Variants in TAFA5 observed in about 807,000 individuals in gnomAD.
TAFA5 encodes chemokine-like protein TAFA-5.
Under a neutral mutation model 15.3 loss-of-function variants are expected in TAFA5, and 6 were observed. That is an observed-to-expected ratio of 0.39 (90% confidence interval 0.21 to 0.77). The LOEUF (loss-of-function observed/expected upper bound fraction) is 0.77. TAFA5 is among the 30% of genes least tolerant of loss of function. TAFA5 has a pLI of 0.41. For missense variants in TAFA5, 161 were observed against 193.1 expected (o/e 0.83, Z 0.98); for synonymous variants, 103 against 80.7 (o/e 1.28, Z -1.48).
At chr22:48,570,068 C>T (rs1188186207) in intron 1 of TAFA5, among the ~76,000 whole-genome samples, 2 of 152,204 alleles carry the variant, frequency 1.3e-5, no homozygotes, top group African/African-American at 2.4e-5. Flanking sequence ...TCCTCTGCTC[C>T]CCACACTCCC....
rs139226574 is a variant in TAFA5 at position 48,579,658 on chromosome 22, A to G, written c.113-66939A>G. Among the ~76,000 whole-genome samples, 643 of 152,342 alleles carry G rather than the reference A, an allele frequency of 4.2e-3. 5 individuals are homozygous for G. Among genetic ancestry groups the G allele is most frequent in the African/African-American group, 0.015 (604 of 41,578 alleles). On this transcript the variant is annotated intron_variant, in intron 1 of 3. Coordinates refer to ENST00000402357, the MANE Select transcript of TAFA5 (RefSeq NM_001082967.3). Reference sequence around the variant, plus strand: ...TATTTTCCACCTCCCTCTTCCAAAGACTTTACAATATTTTTCTGGAAGTCT... The same window carrying G: ...TATTTTCCACCTCCCTCTTCCAAAGGCTTTACAATATTTTTCTGGAAGTCT...
chr22:48,582,298 A>G (rs73173422), intron 1 of TAFA5, among the ~76,000 whole-genome samples: 40,348 of 151,480 alleles, frequency 0.27, 6,783 homozygotes, highest in Non-Finnish European at 0.36. Context: ...CACACCACAT[A>G]CACACCCCAC....
At chr22:48,563,032 C>T (rs1473595921) in intron 1 of TAFA5, among the ~76,000 whole-genome samples, 11 of 152,230 alleles carry the variant, frequency 7.2e-5, no homozygotes, top group Non-Finnish European at 1.6e-4. Context: ...GACCGAGCCG[C>T]CCGCTTGCTC....
At chr22:48,544,739 G>A (rs137979926) in intron 1 of TAFA5, 2 of 471,308 alleles carry the variant, frequency 4.2e-6, no homozygotes, top group Admixed American at 2.3e-5. Context: ...CCCACTCCGG[G>A]CTGCGGGGAG....
At chr22:48,633,553 T>TCTCTCTCTCTCTCTCC (rs1555894484) in intron 1 of TAFA5, among the ~76,000 whole-genome samples, 1 of 138,820 alleles carries the variant, frequency 7.2e-6, no homozygotes, top group Non-Finnish European at 1.5e-5. Context: ...TCTCTCTCTC[T>TCTCTCTCTCTCTCTCC]CTCTCCATCT....
At chr22:48,621,873 G>T in intron 1 of TAFA5, among the ~76,000 whole-genome samples, 1 of 152,150 alleles carries the variant, frequency 6.6e-6, no homozygotes, top group East Asian at 1.9e-4. Flanking sequence ...GAGCAGGGCT[G>T]CATCTGCAGG....
intron 3 of TAFA5, 46 bp from the exon 4 acceptor site, chr22:48,749,793 G>T (rs370714163): frequency 6.4e-7 from 1 of 1,556,584 alleles, no homozygotes; most frequent in Non-Finnish European, 8.7e-7. Flanking sequence ...GTGGCCCTGG[G>T]CAGCGTCTGC....
chr22:48,675,098 C>T (rs941900733), intron 2 of TAFA5, among the ~76,000 whole-genome samples: 8 of 152,146 alleles, frequency 5.3e-5, no homozygotes, highest in Non-Finnish European at 2.9e-5. Flanking sequence ...CCCATCACCA[C>T]ACACGGCTAA....
chr22:48,646,467 T>A lies in TAFA5; in HGVS notation c.113-130T>A, dbSNP rs967102853. 31 of 1,176,724 alleles carry A rather than the reference T, an allele frequency of 2.6e-5. No individual in the cohort carries two copies. In the South Asian group the frequency reaches 3.5e-4, roughly 13 times the overall value. 72.9% of individuals were successfully genotyped at this position (1,176,724 alleles called of 1,614,324 possible). A position where few individuals can be genotyped will look rare whatever the true frequency, so the allele number is the denominator to read the frequency against. Reference sequence around the variant, plus strand: ...TCGAGGTGCTTTCGGACGCTCCCTCTGAGTGAAGCGGTCTCCCTGCCCTGT... The same window carrying A: ...TCGAGGTGCTTTCGGACGCTCCCTCAGAGTGAAGCGGTCTCCCTGCCCTGT... On this transcript the variant is annotated intron_variant, in intron 1 of 3. Transcript: ENST00000402357.
At chr22:48,535,864 A>G (rs1216283623) in intron 1 of TAFA5, among the ~76,000 whole-genome samples, 1 of 151,848 alleles carries the variant, frequency 6.6e-6, no homozygotes, top group Non-Finnish European at 1.5e-5. Context: ...TCACACCGGC[A>G]CATGTATGAG....
intron 3 of TAFA5, among the ~76,000 whole-genome samples, chr22:48,733,429 C>T (rs895917116): frequency 5.3e-5 from 8 of 152,200 alleles, no homozygotes; most frequent in Admixed American, 1.3e-4. Flanking sequence ...GGAACCCTCA[C>T]AGGCAAGTTG....
At chr22:48,692,353 C>G (rs946578292) in intron 2 of TAFA5, among the ~76,000 whole-genome samples, 1 of 152,222 alleles carries the variant, frequency 6.6e-6, no homozygotes, top group Non-Finnish European at 1.5e-5. Flanking sequence ...TGGGACTGTG[C>G]TCATGGGAAA....
intron 3 of TAFA5, among the ~76,000 whole-genome samples, chr22:48,711,264 G>T (rs1473935328): frequency 6.6e-6 from 1 of 152,164 alleles, no homozygotes; most frequent in Non-Finnish European, 1.5e-5. Flanking sequence ...CTGCTTTCCT[G>T]GGGGAGAGTG....
At chr22:48,696,164 A>T (rs1466357737) in intron 2 of TAFA5, among the ~76,000 whole-genome samples, 1 of 151,934 alleles carries the variant, frequency 6.6e-6, no homozygotes, top group Non-Finnish European at 1.5e-5. Flanking sequence ...CCACCCTCAG[A>T]CCCCTGCACA....
chr22:48,659,924 G>A lies in TAFA5; in HGVS notation c.262+13178G>A, dbSNP rs570897820. Reference sequence around the variant, plus strand: ...TGAAAAAGCCAGGGACATTTTGAAAGAAAATTTTATTTTGATCTTGGAGAT... The same window carrying A: ...TGAAAAAGCCAGGGACATTTTGAAAAAAAATTTTATTTTGATCTTGGAGAT... On this transcript the variant is annotated intron_variant, in intron 2 of 3. Transcript: ENST00000402357. Among the ~76,000 whole-genome samples the A allele has an allele frequency of 3.3e-5, 5 of 152,334 alleles. No individual in the cohort carries two copies. The East Asian group carries it at 9.6e-4, about 29-fold the overall frequency.
chr22:48,557,040 C>G (rs1207026348), intron 1 of TAFA5, among the ~76,000 whole-genome samples: 1 of 152,184 alleles, frequency 6.6e-6, no homozygotes, highest in Non-Finnish European at 1.5e-5. Context: ...GGGGCACCCA[C>G]CGTTGGGAGG....
At chr22:48,531,542 T>C (rs1449508498) in intron 1 of TAFA5, among the ~76,000 whole-genome samples, 1 of 152,072 alleles carries the variant, frequency 6.6e-6, no homozygotes, top group Admixed American at 6.5e-5. Flanking sequence ...GTTACTGACT[T>C]GGTTTGGCAT....
At position 48,600,972 on chromosome 22, in the gene TAFA5, C is replaced by T. The variant is rs116170531; in HGVS notation, c.113-45625C>T. Among the ~76,000 whole-genome samples the T allele has an allele frequency of 3.5e-3, 532 of 152,336 alleles. 7 individuals are homozygous for T. The highest frequency in any genetic ancestry group is 0.012 in the African/African-American group (501 of 41,582). ...TCCCTCTCCGCGGTCACGGTGCTCA[C>T]GTCGTTCAGCCGGCTTCCTCTCCTC... is the stretch of plus-strand genomic sequence containing the variant. On this transcript the variant is annotated intron_variant, in intron 1 of 3. Coordinates refer to ENST00000402357, the MANE Select transcript of TAFA5 (RefSeq NM_001082967.3).
chr22:48,713,267 C>A (rs552570636), intron 3 of TAFA5, among the ~76,000 whole-genome samples: 22 of 152,338 alleles, frequency 1.4e-4, no homozygotes, highest in African/African-American at 4.8e-4. Flanking sequence ...GTGAGAGATT[C>A]TGAGGACGTG....
Sources: gnomAD v4.1 joint callset for allele counts (sites outside exome capture counted in the v4.1 genomes callset) on GRCh38, gnomAD v4.1.1 for gene constraint, MANE v1.5 for transcripts, NCBI Gene and HGNC (gene_info 2026-07-23, HGNC 2026-07-21) for gene names.